The following MIDEAS variants were observed in gnomAD, a reference collection of about 807,000 sequenced individuals.
MIDEAS encodes the protein mitotic deacetylase-associated SANT domain protein.
Under a neutral mutation model 102.7 loss-of-function variants are expected in MIDEAS, and 26 were observed. The observed-to-expected ratio is 0.25, with a 90% CI of 0.19 to 0.35. MIDEAS has a LOEUF of 0.35. Ranked by LOEUF, MIDEAS falls within the 10% of genes least tolerant of loss-of-function variation. The probability of loss-of-function intolerance (pLI) is 1.00; values close to 1 mark genes in which losing one functional copy is unlikely to be tolerated. For missense variants in MIDEAS, 1,231 were observed against 1,435.6 expected, an observed-to-expected ratio of 0.86 and a Z score of 2.30; for synonymous variants, 585 against 591.0, an observed-to-expected ratio of 0.99 and a Z score of 0.15.
At chr14:73,721,657 A>C in intron 10 of MIDEAS, 148 bp from the exon 11 acceptor site, 2 of 666,836 alleles carry the variant, frequency 3.0e-6, no homozygotes, top group Non-Finnish European at 5.2e-6. Context: ...AGGACTCTGG[A>C]CTCTGTCCCC....
chr14:73,756,457 A>G (rs1466551838), intron 1 of MIDEAS, among the ~76,000 whole-genome samples: 1 of 152,154 alleles, frequency 6.6e-6, no homozygotes, highest in African/African-American at 2.4e-5. Context: ...GTCCCTTAGT[A>G]AGAATTGGGG....
At chr14:73,769,286 GA>G (rs2053620630) in intron 1 of MIDEAS, among the ~76,000 whole-genome samples, 1 of 152,224 alleles carries the variant, frequency 6.6e-6, no homozygotes, top group South Asian at 2.1e-4. Context: ...TTCCCAACAG[GA>G]AAGTGGTTCA....
In MIDEAS at chr14:73,716,066, G is replaced by A. The variant is rs779938735; in HGVS notation, c.*2777C>T. 6.6e-6 allele frequency: 1 copy of A among 152,538 alleles called. No homozygotes were observed. Among genetic ancestry groups the A allele is most frequent in the Non-Finnish European group, 1.5e-5 (1 of 68,134 alleles). 9.4% of individuals were successfully genotyped at this position (152,538 alleles called of 1,614,324 possible). ...GGTGTGGGGAGGATGTTAGAAAGCTGGAGGTGTTTATCACTTCTCAAGGAG... is the reference window on the plus strand; with the variant it reads ...GGTGTGGGGAGGATGTTAGAAAGCTAGAGGTGTTTATCACTTCTCAAGGAG... On this transcript the variant is annotated 3_prime_UTR_variant, in exon 13 of 13. Coordinates refer to ENST00000423556, the MANE Select transcript of MIDEAS (RefSeq NM_001367710.1).
At chr14:73,786,783 G>A (rs545374451) in intron 1 of MIDEAS, among the ~76,000 whole-genome samples, 142 of 152,338 alleles carry the variant, frequency 9.3e-4, no homozygotes, top group African/African-American at 3.2e-3. Flanking sequence ...TGGAGGCGCT[G>A]GGCGGAGGGC....
chr14:73,750,704 CA>C (rs1434699132), intron 1 of MIDEAS, among the ~76,000 whole-genome samples: 1 of 152,236 alleles, frequency 6.6e-6, no homozygotes. Context: ...CAAGGGATGT[CA>C]ATGTTTACCT....
At chr14:73,750,856 C>T (rs1401359717) in intron 1 of MIDEAS, among the ~76,000 whole-genome samples, 2 of 152,276 alleles carry the variant, frequency 1.3e-5, no homozygotes, top group Non-Finnish European at 2.9e-5. Flanking sequence ...TGGCAAGACA[C>T]TGGGCAAAGC....
At chr14:73,771,523 C>T (rs1382470894) in intron 1 of MIDEAS, among the ~76,000 whole-genome samples, 1 of 152,164 alleles carries the variant, frequency 6.6e-6, no homozygotes, top group East Asian at 1.9e-4. Flanking sequence ...AAATAAGGCT[C>T]TCCACTCAGA....
Position 73,721,329 on chromosome 14 carries a change from T to C in MIDEAS, c.2905A>G (p.Lys969Glu), listed in dbSNP as rs1422759228. ...RERSRRAAAV[K>E]ATQTLQANES... ...TTGGCCTGTAGTGTCTGCGTGGCTT[T>C]GACTGCCGCTGCCCGCCTGCTGCGC... is the stretch of plus-strand genomic sequence containing the variant. The change falls in exon 11 of 13, where the codon AAA (lysine) becomes GAA (glutamate). Residue 969 changes from lysine to glutamate, a missense_variant. Lys to Glu is a moderately conservative substitution (Grantham distance 56). Coordinates refer to ENST00000423556, the MANE Select transcript of MIDEAS (RefSeq NM_001367710.1). 6.2e-7 allele frequency: 1 copy of C among 1,613,878 alleles called. No homozygotes were observed. Among genetic ancestry groups the C allele is most frequent in the Admixed American group, 1.7e-5 (1 of 60,028 alleles).
In MIDEAS at chr14:73,756,293, T is replaced by TGCGCGC. The variant is rs1245182607; in HGVS notation, c.-248+3469_-248+3470insGCGCGC. The stretch of plus-strand genomic sequence containing the variant: ...GTGTGTGTGTGTGTGTGTGTGTGTG[T>TGCGCGC]GTGCGCGCGCGCGTGCGCGCTGAGG... On this transcript the variant is annotated intron_variant, in intron 1 of 12. Transcript: ENST00000423556. 2.9e-3 allele frequency among the ~76,000 whole-genome samples: 219 copies of TGCGCGC among 75,250 alleles called. 1 individual carries two copies. Among genetic ancestry groups the TGCGCGC allele is most frequent in the South Asian group, 6.9e-3 (10 of 1,446 alleles). The allele number at this position is 75,250 out of a possible 152,430, so 49.4% of individuals were successfully genotyped here.
chr14:73,750,277 T>A (rs1262738590), intron 1 of MIDEAS, among the ~76,000 whole-genome samples: 1 of 152,146 alleles, frequency 6.6e-6, no homozygotes, highest in Non-Finnish European at 1.5e-5. Context: ...AAGTCCTTGC[T>A]CTTTCCACCA....
intron 1 of MIDEAS, among the ~76,000 whole-genome samples, chr14:73,756,432 C>T (rs933732962): frequency 1.3e-5 from 2 of 152,172 alleles, no homozygotes; most frequent in African/African-American, 2.4e-5. Context: ...AATGTTGCTT[C>T]GAATGCAAAT....
chr14:73,749,852 G>A (rs1242765644), intron 1 of MIDEAS, among the ~76,000 whole-genome samples: 2 of 152,162 alleles, frequency 1.3e-5, no homozygotes, highest in African/African-American at 2.4e-5. Context: ...CACACCTTCG[G>A]TGTCACAGTC....
intron 1 of MIDEAS, among the ~76,000 whole-genome samples, chr14:73,783,291 G>A (rs2053772809): frequency 6.6e-6 from 1 of 152,190 alleles, no homozygotes; most frequent in Non-Finnish European, 1.5e-5. Context: ...TCTCAAGGAG[G>A]AGGACACAAA....
chr14:73,768,200 G>A (rs1248338807), intron 1 of MIDEAS, among the ~76,000 whole-genome samples: 1 of 152,086 alleles, frequency 6.6e-6, no homozygotes, highest in Non-Finnish European at 1.5e-5. Flanking sequence ...ACATGCTTGA[G>A]ATGATATGAG....
rs572412894 is a variant in MIDEAS at position 73,715,637 on chromosome 14, A to G, written c.*3206T>C. ...AAATATCCCTACTTCCTGTAAACCTATGGAGTTAGGCTTGCCAGTCTGATA... is the reference window on the plus strand; with the variant it reads ...AAATATCCCTACTTCCTGTAAACCTGTGGAGTTAGGCTTGCCAGTCTGATA... On this transcript the variant is annotated 3_prime_UTR_variant, in exon 13 of 13. Coordinates refer to ENST00000423556, the MANE Select transcript of MIDEAS (RefSeq NM_001367710.1). The G allele has an allele frequency of 1.3e-5, 2 of 152,600 alleles. No homozygotes were observed. The highest frequency in any genetic ancestry group is 2.4e-5 in the African/African-American group (1 of 41,548). The allele number at this position is 152,600 out of a possible 1,614,324, so 9.5% of individuals were successfully genotyped here. A position where few individuals can be genotyped will look rare whatever the true frequency, so the allele number is the denominator to read the frequency against.
At chr14:73,748,891 T>A (rs908419368) in intron 1 of MIDEAS, among the ~76,000 whole-genome samples, 1 of 152,122 alleles carries the variant, frequency 6.6e-6, no homozygotes, top group Non-Finnish European at 1.5e-5. Flanking sequence ...GTTATAGACA[T>A]GCATGTACCT....
chr14:73,727,714 G>C (rs991435638), intron 4 of MIDEAS, 190 bp from the exon 5 acceptor site: 3 of 565,644 alleles, frequency 5.3e-6, no homozygotes, highest in South Asian at 2.2e-5. Context: ...CTAAATATTT[G>C]GGTGCCTCAG....
chr14:73,749,978 C>G (rs1190987736), intron 1 of MIDEAS, among the ~76,000 whole-genome samples: 2 of 152,178 alleles, frequency 1.3e-5, no homozygotes, highest in East Asian at 3.9e-4. Flanking sequence ...GATGGAGAGG[C>G]CTTTGGGATT....
intron 3 of MIDEAS, among the ~76,000 whole-genome samples, chr14:73,732,740 C>G (rs1199039627): frequency 8.1e-6 from 1 of 124,016 alleles, no homozygotes; most frequent in African/African-American, 3.2e-5. Context: ...GAGTGGAGAA[C>G]ATGCCACTGC....
Sources: gnomAD v4.1 joint callset for allele counts (sites outside exome capture counted in the v4.1 genomes callset) on GRCh38, gnomAD v4.1.1 for gene constraint, MANE v1.5 for transcripts, NCBI Gene and HGNC (gene_info 2026-07-23, HGNC 2026-07-21) for gene names.